Variants in ROBO2 observed in about 807,000 individuals in gnomAD.
ROBO2 encodes the protein roundabout homolog 2.
A neutral mutation model predicts 160.8 loss-of-function variants in ROBO2; 53 were observed. The observed-to-expected ratio is 0.33, with a 90% CI of 0.26 to 0.41. ROBO2 has a LOEUF of 0.41. Among genes scored for constraint, ROBO2 ranks in the 10% least tolerant of loss-of-function variants. The pLI, the probability that ROBO2 is intolerant of heterozygous loss-of-function variation, is 1.00. For synonymous variants in ROBO2, 664 were observed against 611.7 expected, an observed-to-expected ratio of 1.09 and a Z score of -1.26; for missense variants, 1,577 against 1,722.4, an observed-to-expected ratio of 0.92 and a Z score of 1.49.
intron 5 of ROBO2, among the ~76,000 whole-genome samples, chr3:77,504,030 A>G (rs1042818641): frequency 6.6e-6 from 1 of 152,200 alleles, no homozygotes; most frequent in Non-Finnish European, 1.5e-5. Flanking sequence ...TAGTTGTTAC[A>G]TAGTATAACT....
chr3:77,515,328 G>T (rs959465185), intron 5 of ROBO2, among the ~76,000 whole-genome samples: 6 of 151,694 alleles, frequency 4.0e-5, no homozygotes, highest in African/African-American at 1.2e-4. Flanking sequence ...TATTAGGTTT[G>T]TTGAGTCAGC....
intron 2 of ROBO2, among the ~76,000 whole-genome samples, chr3:77,362,874 A>G (rs578222984): frequency 3.9e-5 from 6 of 152,262 alleles, no homozygotes; most frequent in African/African-American, 1.4e-4. Context: ...TTATAAAACC[A>G]TCAGATCTTG....
At chr3:76,206,117 A>G (rs1702791347) in intron 2 of ROBO2, among the ~76,000 whole-genome samples, 1 of 151,346 alleles carries the variant, frequency 6.6e-6, no homozygotes, top group African/African-American at 2.4e-5. Context: ...ACAATTCCCC[A>G]CTCTTAGAGA....
chr3:76,355,963 C>A (rs1355720483), intron 2 of ROBO2, among the ~76,000 whole-genome samples: 1 of 151,644 alleles, frequency 6.6e-6, no homozygotes, highest in Non-Finnish European at 1.5e-5. Flanking sequence ...TGGGGAGATA[C>A]AATGTGTTGG....
chr3:77,473,397 C>T (rs1161315820), intron 2 of ROBO2, among the ~76,000 whole-genome samples: 2 of 147,854 alleles, frequency 1.4e-5, no homozygotes, highest in African/African-American at 5.0e-5. Flanking sequence ...TGCAAGCTTC[C>T]GGCTTGCTTC....
intron 2 of ROBO2, among the ~76,000 whole-genome samples, chr3:76,617,724 G>A (rs542015458): frequency 2.6e-4 from 40 of 152,170 alleles, no homozygotes; most frequent in African/African-American, 9.6e-4. Flanking sequence ...TTTTTATGCT[G>A]CTATAAAGAA....
chr3:76,906,980 A>C (rs1009595015), intron 2 of ROBO2, among the ~76,000 whole-genome samples: 1 of 152,210 alleles, frequency 6.6e-6, no homozygotes, highest in East Asian at 1.9e-4. Context: ...GAAAGCCAAC[A>C]GGTTTTCTTC....
chr3:76,668,308 A>G (rs73120018), intron 2 of ROBO2, among the ~76,000 whole-genome samples: 11,120 of 151,908 alleles, frequency 0.073, 424 homozygotes, highest in Non-Finnish European at 0.095. Flanking sequence ...GGGACTTGCT[A>G]TATTACCAGG....
intron 21 of ROBO2, among the ~76,000 whole-genome samples, chr3:77,617,063 T>G (rs1212500400): frequency 2.0e-5 from 3 of 152,178 alleles, no homozygotes; most frequent in Non-Finnish European, 2.9e-5. Flanking sequence ...TTGTCAGATA[T>G]CTAGAACAAG....
chr3:76,848,628 T>G (rs1403345631), intron 2 of ROBO2, among the ~76,000 whole-genome samples: 1 of 152,216 alleles, frequency 6.6e-6, no homozygotes, highest in African/African-American at 2.4e-5. Flanking sequence ...AAGATCAAGA[T>G]GCTGGCAGAC....
intron 2 of ROBO2, among the ~76,000 whole-genome samples, chr3:76,416,774 T>C (rs961314634): frequency 3.0e-4 from 45 of 151,738 alleles, no homozygotes; most frequent in Non-Finnish European, 5.9e-4. Flanking sequence ...TCTCTCATCA[T>C]CTGCGCCGTC....
intron 2 of ROBO2, among the ~76,000 whole-genome samples, chr3:77,382,452 G>T (rs960932965): frequency 6.7e-6 from 1 of 149,812 alleles, no homozygotes; most frequent in African/African-American, 2.5e-5. Context: ...GGTACAAGTT[G>T]TTTTTGGTTA....
intron 2 of ROBO2, among the ~76,000 whole-genome samples, chr3:76,376,088 A>C (rs918302991): frequency 6.6e-6 from 1 of 152,136 alleles, no homozygotes; most frequent in South Asian, 2.1e-4. Flanking sequence ...AATGCAAAGT[A>C]CTTATCATAT....
chr3:77,103,075 G>T (rs183475047), intron 2 of ROBO2, among the ~76,000 whole-genome samples: 1 of 152,196 alleles, frequency 6.6e-6, no homozygotes, highest in South Asian at 2.1e-4. Context: ...GAACACTGGC[G>T]CTCCCTGTTT....
chr3:77,439,595 T>G lies in ROBO2; in HGVS notation c.389-37819T>G, dbSNP rs115695720. On this transcript the variant is annotated intron_variant, in intron 2 of 25. Transcript: ENST00000461745. Reference sequence around the variant, plus strand: ...ACCAAGATCCACCAAAAGAATACCTTATTAAGTATGAAGGGTTCCTTGTAT... The same window carrying G: ...ACCAAGATCCACCAAAAGAATACCTGATTAAGTATGAAGGGTTCCTTGTAT... Among the ~76,000 whole-genome samples, 1,342 of 152,250 alleles carry G rather than the reference T, an allele frequency of 8.8e-3. 28 individuals carry two copies. The highest frequency in any genetic ancestry group is 0.031 in the African/African-American group (1,282 of 41,550).
intron 2 of ROBO2, among the ~76,000 whole-genome samples, chr3:76,604,892 T>C (rs1245124028): frequency 6.6e-6 from 1 of 152,158 alleles, no homozygotes; most frequent in Non-Finnish European, 1.5e-5. Context: ...AAATTGTAAG[T>C]AATCAAATAG....
chr3:76,233,955 A>G (rs535386068), intron 2 of ROBO2, among the ~76,000 whole-genome samples: 1 of 152,296 alleles, frequency 6.6e-6, no homozygotes, highest in East Asian at 1.9e-4. Context: ...GTAGGTTTTC[A>G]ATCCTCAGTC....
At chr3:77,530,527 A>C (rs191904936) in intron 6 of ROBO2, among the ~76,000 whole-genome samples, 3 of 152,034 alleles carry the variant, frequency 2.0e-5, no homozygotes, top group African/African-American at 7.2e-5. Context: ...CTCTAGGTGA[A>C]CTTAGAGGAT....
chr3:76,237,768 AG>A (rs1705034076), intron 2 of ROBO2, among the ~76,000 whole-genome samples: 1 of 152,262 alleles, frequency 6.6e-6, no homozygotes, highest in African/African-American at 2.4e-5. Context: ...ATGTGGTTAG[AG>A]GACATGAGTG....
Sources: gnomAD v4.1 joint callset for allele counts (sites outside exome capture counted in the v4.1 genomes callset) on GRCh38, gnomAD v4.1.1 for gene constraint, MANE v1.5 for transcripts, NCBI Gene and HGNC (gene_info 2026-07-23, HGNC 2026-07-21) for gene names.